The following CAMSAP2 variants were observed in gnomAD, a reference collection of about 807,000 sequenced individuals.
CAMSAP2 encodes the protein calmodulin regulated spectrin associated protein family member 2.
Under a neutral mutation model 146.1 loss-of-function variants are expected in CAMSAP2, and 26 were observed. That is an observed-to-expected ratio of 0.18 (90% CI 0.13 to 0.25). The LOEUF is 0.25. Ranked by LOEUF, CAMSAP2 falls within the 10% of genes least tolerant of loss-of-function variation. The pLI is 1.00. For synonymous variants in CAMSAP2, 499 were observed against 596.6 expected, an observed-to-expected ratio of 0.84 and a Z score of 2.38; for missense variants, 1,381 against 1,759.3, an observed-to-expected ratio of 0.78 and a Z score of 3.85.
At position 200,807,366 on chromosome 1, in the gene CAMSAP2, A is replaced by T. The variant is rs745548085; in HGVS notation, c.400-10A>T. 6 of 1,481,480 alleles carry T rather than the reference A, an allele frequency of 4.1e-6. No homozygotes were observed. Among genetic ancestry groups the T allele is most frequent in the Non-Finnish European group, 5.4e-6 (6 of 1,110,534 alleles). The allele number at this position is 1,481,480 out of a possible 1,614,324, so 91.8% of individuals were successfully genotyped here. On this transcript the variant is annotated splice_polypyrimidine_tract_variant and intron_variant, in intron 2 of 16. Transcript: ENST00000358823. ...TTTTTAAACTATTTGTTCTTGTTTT[A>T]TATTTTCAGAGTGCACATTTGGCCA... is the stretch of plus-strand genomic sequence containing the variant.
At position 200,807,514 on chromosome 1, in the gene CAMSAP2, G is replaced by T; in HGVS notation, c.538G>T (p.Ala180Ser). The change falls in exon 3 of 17, where the codon GCT becomes TCT. Residue 180 changes from alanine to serine, a missense_variant. This residue lies in a region of CAMSAP2 where 284 missense variants were observed against 406.9 expected (regional missense o/e 0.70). Coordinates refer to ENST00000358823, the MANE Select transcript of CAMSAP2 (RefSeq NM_203459.4). ...ATDLPYDIEDAVMYWINKVNE... is the reference protein window; with the variant it reads ...ATDLPYDIEDSVMYWINKVNE... ...AGATCTGCCCTATGATATTGAGGACGCTGTCATGTACTGGATAAATAAGGT... is the reference window on the plus strand; with the variant it reads ...AGATCTGCCCTATGATATTGAGGACTCTGTCATGTACTGGATAAATAAGGT... 6.2e-7 allele frequency: 1 copy of T among 1,604,516 alleles called. No individual in the cohort carries two copies.
At chr1:200,742,216 C>A (rs907904005) in intron 1 of CAMSAP2, among the ~76,000 whole-genome samples, 1 of 152,174 alleles carries the variant, frequency 6.6e-6, no homozygotes, top group Non-Finnish European at 1.5e-5. Context: ...TGCAGAGTAA[C>A]CGTTTTATCT....
chr1:200,761,151 G>A, intron 2 of CAMSAP2, 53 bp downstream of exon 2: 1 of 1,517,550 alleles, frequency 6.6e-7, no homozygotes, highest in South Asian at 1.1e-5. Flanking sequence ...GTACTTTTGA[G>A]TGTGAATGAT....
At chr1:200,801,095 C>G (rs58089295) in intron 2 of CAMSAP2, among the ~76,000 whole-genome samples, 307 of 152,196 alleles carry the variant, frequency 2.0e-3, no homozygotes, top group African/African-American at 6.7e-3. Flanking sequence ...GAAACCCCTT[C>G]TCTACTAAAA....
At position 200,849,665 on chromosome 1, in the gene CAMSAP2, A is replaced by G; in HGVS notation, c.2896A>G (p.Lys966Glu). Reference protein sequence around the residue: ...THPSPQSSNRKSASFSVKSQR... With the variant: ...THPSPQSSNRESASFSVKSQR... The stretch of plus-strand genomic sequence containing the variant: ...CCCATCTCCACAGTCTTCTAACAGG[A>G]AAAGTGCATCTTTTTCTGTTAAAAG... Residue 966 changes from lysine (K) to glutamate (E), a missense_variant, in exon 11 of 17, where the codon AAA becomes GAA. Around this residue, in one of 4 missense-constraint regions of CAMSAP2, gnomAD observed 560 missense variants for 715.9 expected, o/e 0.78. Transcript: ENST00000358823. The surrounding 1 kb of genome is among the most constrained non-coding windows in gnomAD (Gnocchi z 6.3). 3 of 1,614,178 alleles carry G rather than the reference A, an allele frequency of 1.9e-6. No individual in the cohort carries two copies. Among genetic ancestry groups the G allele is most frequent in the Non-Finnish European group, 2.5e-6 (3 of 1,180,016 alleles).
At chr1:200,794,179 C>T (rs992413357) in intron 2 of CAMSAP2, among the ~76,000 whole-genome samples, 2 of 152,190 alleles carry the variant, frequency 1.3e-5, no homozygotes, top group Non-Finnish European at 2.9e-5. Flanking sequence ...ATATTTTCTT[C>T]TATTCTTAAT....
chr1:200,830,630 T>C (rs1667018710), intron 4 of CAMSAP2, among the ~76,000 whole-genome samples: 1 of 152,242 alleles, frequency 6.6e-6, no homozygotes, highest in South Asian at 2.1e-4. Context: ...TTCTTTTTTC[T>C]TTCTTCCTTC....
intron 6 of CAMSAP2, among the ~76,000 whole-genome samples, chr1:200,840,296 T>G (rs1454593945): frequency 6.6e-6 from 1 of 152,210 alleles, no homozygotes; most frequent in Non-Finnish European, 1.5e-5. Context: ...CTTTTTATTT[T>G]TTTTTAGAGA....
At chr1:200,749,558 C>T (rs996245806) in intron 1 of CAMSAP2, among the ~76,000 whole-genome samples, 2 of 151,960 alleles carry the variant, frequency 1.3e-5, no homozygotes, top group African/African-American at 4.8e-5. Context: ...TTGTTTTTTC[C>T]ATCCCTTTCT....
At chr1:200,812,187 T>G (rs957486569) in intron 3 of CAMSAP2, among the ~76,000 whole-genome samples, 9 of 152,232 alleles carry the variant, frequency 5.9e-5, no homozygotes, top group African/African-American at 2.2e-4. Context: ...ATAGGTACAA[T>G]GAACTTTTTA....
intron 3 of CAMSAP2, among the ~76,000 whole-genome samples, chr1:200,811,915 G>T (rs151042251): frequency 1.3e-5 from 2 of 152,054 alleles, no homozygotes; most frequent in African/African-American, 4.8e-5. Context: ...TCTCACCTCT[G>T]AACCGTTGAA....
chr1:200,740,010 G>A (rs1276865455), intron 1 of CAMSAP2, 44 bp downstream of exon 1: 1 of 1,600,932 alleles, frequency 6.2e-7, no homozygotes, highest in South Asian at 1.1e-5. Flanking sequence ...TCCTGATGTG[G>A]TCCACATCTC....
At chr1:200,752,174 T>TA (rs1664525280) in intron 1 of CAMSAP2, among the ~76,000 whole-genome samples, 1 of 152,168 alleles carries the variant, frequency 6.6e-6, no homozygotes, top group South Asian at 2.1e-4. Context: ...AAAATGACCA[T>TA]AGAGTTCTTT....
At chr1:200,740,294 T>G (rs1189640792) in intron 1 of CAMSAP2, among the ~76,000 whole-genome samples, 1 of 151,928 alleles carries the variant, frequency 6.6e-6, no homozygotes, top group East Asian at 1.9e-4. Context: ...GTTGCGTACA[T>G]TTCTGCCTCA....
chr1:200,803,117 G>A (rs1666078220), intron 2 of CAMSAP2, among the ~76,000 whole-genome samples: 1 of 152,126 alleles, frequency 6.6e-6, no homozygotes, highest in South Asian at 2.1e-4. Context: ...TGTTGCTGCC[G>A]CAGTTGCCTC....
chr1:200,741,358 A>G (rs1664169370), intron 1 of CAMSAP2, among the ~76,000 whole-genome samples: 1 of 152,262 alleles, frequency 6.6e-6, no homozygotes, highest in South Asian at 2.1e-4. Flanking sequence ...GAAGAAACAC[A>G]AAGTGTTACT....
chr1:200,782,633 T>A (rs1460688507), intron 2 of CAMSAP2, among the ~76,000 whole-genome samples: 3 of 152,174 alleles, frequency 2.0e-5, no homozygotes. Flanking sequence ...TGTAGTTTAT[T>A]CCTTTTTATT....
At chr1:200,759,656 G>A (rs1342460267) in intron 1 of CAMSAP2, among the ~76,000 whole-genome samples, 1 of 152,190 alleles carries the variant, frequency 6.6e-6, no homozygotes, top group Admixed American at 6.5e-5. Context: ...TCAGGAAACA[G>A]CTAAGATCAG....
intron 6 of CAMSAP2, among the ~76,000 whole-genome samples, chr1:200,834,828 C>G (rs904914526): frequency 2.0e-5 from 3 of 152,132 alleles, no homozygotes; most frequent in African/African-American, 7.2e-5. Flanking sequence ...TGGAGGATTG[C>G]TTGAACCTAG....
Sources: gnomAD v4.1 joint callset for allele counts (sites outside exome capture counted in the v4.1 genomes callset) on GRCh38, gnomAD v4.1.1 for gene constraint, gnomAD v4.1.1 regional missense constraint, Gnocchi (gnomAD v3.1) non-coding constraint, MANE v1.5 for transcripts, NCBI Gene and HGNC (gene_info 2026-07-23, HGNC 2026-07-21) for gene names.